The following ABCB1 variants were observed in gnomAD, a reference collection of about 807,000 sequenced individuals.
ABCB1 encodes the protein ATP-dependent translocase ABCB1.
A neutral mutation model predicts 142.0 loss-of-function variants in ABCB1; 69 were observed. The observed-to-expected ratio is 0.49, with a 90% confidence interval of 0.40 to 0.59. The LOEUF (loss-of-function observed/expected upper bound fraction) is 0.59. Among genes scored for constraint, ABCB1 ranks in the 20% least tolerant of loss-of-function variants. The pLI, the probability that ABCB1 is intolerant of heterozygous loss-of-function variation, is 0.00. For synonymous variants in ABCB1, 532 were observed against 539.2 expected (o/e 0.99, Z 0.18); for missense variants, 1,326 against 1,554.7 (o/e 0.85, Z 2.47).
At chr7:87,694,037 G>A in intron 1 of ABCB1, 1 of 1,573,442 alleles carries the variant, frequency 6.4e-7, no homozygotes, top group Non-Finnish European at 8.6e-7. Context: ...GGCTGTATCA[G>A]TTAAGTGATC....
intron 1 of ABCB1, among the ~76,000 whole-genome samples, chr7:87,678,573 A>C (rs2130572077): frequency 6.6e-6 from 1 of 152,314 alleles, no homozygotes; most frequent in East Asian, 1.9e-4. Context: ...ACAAACAATA[A>C]AATGGTAGAC....
chr7:87,675,039 G>A (rs1019908071), intron 1 of ABCB1, among the ~76,000 whole-genome samples: 2 of 152,228 alleles, frequency 1.3e-5, no homozygotes, highest in Admixed American at 1.3e-4. Flanking sequence ...TTAAGTGTCT[G>A]TTGGGGAAAT....
chr7:87,553,696 C>G, intron 9 of ABCB1, 65 bp downstream of exon 9: 1 of 1,511,420 alleles, frequency 6.6e-7, no homozygotes, highest in Non-Finnish European at 9.2e-7. Context: ...TAAAGTCAAG[C>G]CAACATTACT....
At chr7:87,586,096 G>A (rs1818739831) in intron 3 of ABCB1, among the ~76,000 whole-genome samples, 1 of 152,170 alleles carries the variant, frequency 6.6e-6, no homozygotes, top group South Asian at 2.1e-4. Context: ...ACATTGTGTT[G>A]CTTTAAGAAA....
intron 27 of ABCB1, among the ~76,000 whole-genome samples, chr7:87,504,720 G>C (rs2117055042): frequency 6.6e-6 from 1 of 151,806 alleles, no homozygotes; most frequent in East Asian, 2.0e-4. Flanking sequence ...CAGGAGAATG[G>C]TGTGAACCCG....
intron 4 of ABCB1, among the ~76,000 whole-genome samples, chr7:87,581,396 G>A (rs1324199217): frequency 6.6e-6 from 1 of 152,016 alleles, no homozygotes; most frequent in Non-Finnish European, 1.5e-5. Context: ...TTTCCAGATA[G>A]TGGCCAGTCT....
In ABCB1 at chr7:87,633,336, T is replaced by C. The variant is rs1463397543; in HGVS notation, c.-330-32258A>G. On this transcript the variant is annotated intron_variant, in intron 1 of 28. Coordinates refer to the ABCB1 transcript ENST00000265724. ...TTTAAAAAATGATTACACGTTTCCC[T>C]ACCTTCTTGACAAAGACTATACATA... 2.6e-5 allele frequency among the ~76,000 whole-genome samples: 4 copies of C among 152,350 alleles called. No homozygotes were observed. The South Asian group carries it at 6.2e-4, about 24-fold the overall frequency.
Position 87,549,351 on chromosome 7 carries a change from A to T in ABCB1, c.1722T>A (p.Asp574Glu), listed in dbSNP as rs201155718. 3.7e-6 allele frequency: 6 copies of T among 1,614,164 alleles called. No homozygotes were observed. Among genetic ancestry groups the T allele is most frequent in the Non-Finnish European group, 5.1e-6 (6 of 1,180,016 alleles). The change falls in exon 14 of 28, where the codon GAT becomes GAA. Residue 574 changes from aspartate to glutamate, a missense_variant. Physicochemically the swap from Asp to Glu is conservative, Grantham distance 45. Transcript: ENST00000622132. ...ESEAVVQVAL[D>E]KARKGRTTIV... ...GTTTGAACTAAGCCTCACTGACCTT[A>T]TCCAGAGCCACCTGAACCACTGCTT...
At position 87,693,947 on chromosome 7, in the gene ABCB1, T is replaced by C. The variant is rs566055075; in HGVS notation, c.-331+19214A>G. 3 of 1,611,914 alleles carry C rather than the reference T, an allele frequency of 1.9e-6. No individual in the cohort carries two copies. In the African/African-American group the frequency reaches 4.0e-5, roughly 22 times the overall value. Reference sequence around the variant, plus strand: ...TGCAGATGGCTGGCTCATCTCCAAATACCTCTTCAAGGTACTCTATGCTGG... The same window carrying C: ...TGCAGATGGCTGGCTCATCTCCAAACACCTCTTCAAGGTACTCTATGCTGG... On this transcript the variant is annotated intron_variant, in intron 1 of 28. Coordinates refer to the ABCB1 transcript ENST00000265724.
intron 1 of ABCB1, chr7:87,629,138 A>G: frequency 6.7e-6 from 3 of 444,986 alleles, no homozygotes; most frequent in Middle Eastern, 6.0e-4. Context: ...GCAGCCCTGG[A>G]CTTTGTGTCA....
At chr7:87,644,392 T>C (rs1822771912) in intron 1 of ABCB1, among the ~76,000 whole-genome samples, 1 of 152,244 alleles carries the variant, frequency 6.6e-6, no homozygotes, top group Admixed American at 6.5e-5. Flanking sequence ...CACCCCTGTG[T>C]TAGAGACTAC....
chr7:87,633,359 A>C (rs925085713), intron 1 of ABCB1, among the ~76,000 whole-genome samples: 1 of 152,228 alleles, frequency 6.6e-6, no homozygotes. Flanking sequence ...AAGACTATAC[A>C]TAGAATAATG....
In ABCB1 at chr7:87,681,553, T is replaced by C. The variant is rs1437981313; in HGVS notation, c.-331+31608A>G. Reference sequence around the variant, plus strand: ...GTAATAGCATTATGTCTAAAAAATGTACATACCCTAATTAAACTACTTTAC... The same window carrying C: ...GTAATAGCATTATGTCTAAAAAATGCACATACCCTAATTAAACTACTTTAC... On this transcript the variant is annotated intron_variant, in intron 1 of 28. Coordinates refer to the ABCB1 transcript ENST00000265724. Among the ~76,000 whole-genome samples, 2 of 150,840 alleles carry C rather than the reference T, an allele frequency of 1.3e-5. 1 individual carries two copies. The highest frequency in any genetic ancestry group is 2.9e-5 in the Non-Finnish European group (2 of 67,884).
intron 1 of ABCB1, among the ~76,000 whole-genome samples, chr7:87,662,254 G>T (rs1485005850): frequency 6.6e-6 from 1 of 151,966 alleles, no homozygotes; most frequent in Admixed American, 6.6e-5. Flanking sequence ...TTTTTAACTT[G>T]ATGTGATCTC....
At chr7:87,553,199 TGA>T (rs1817155644) in intron 9 of ABCB1, among the ~76,000 whole-genome samples, 1 of 152,150 alleles carries the variant, frequency 6.6e-6, no homozygotes, top group Admixed American at 6.5e-5. Context: ...TTCATGCTAT[TGA>T]GATTGCTAAC....
Position 87,553,295 on chromosome 7 carries a change from G to A in ABCB1, c.999+466C>T, listed in dbSNP as rs376011698. Reference sequence around the variant, plus strand: ...CAAATAAAAGAAAAAACTGGTTGTCGGATGCATCTAATTTTTTTCCACTTT... The same window carrying A: ...CAAATAAAAGAAAAAACTGGTTGTCAGATGCATCTAATTTTTTTCCACTTT... On this transcript the variant is annotated intron_variant, in intron 9 of 27. Coordinates refer to ENST00000622132, the MANE Select transcript of ABCB1 (RefSeq NM_001348946.2). Among the ~76,000 whole-genome samples, 10 of 150,542 alleles carry A rather than the reference G, an allele frequency of 6.6e-5. No homozygotes were observed. In the South Asian group the frequency reaches 1.3e-3, roughly 19 times the overall value.
rs147463648 is a variant in ABCB1 at position 87,534,297 on chromosome 7, T to C, written c.2481+2161A>G. 2.2e-4 allele frequency among the ~76,000 whole-genome samples: 33 copies of C among 152,236 alleles called. No homozygotes were observed. In the East Asian group the frequency reaches 5.6e-3, roughly 26 times the overall value. ...AAGCACATGAGCCCATACCACAGGG[T>C]CTGTGTCATATTGTGCAATGTCACA... On this transcript the variant is annotated intron_variant, in intron 20 of 27. Transcript: ENST00000622132.
At chr7:87,640,652 C>G (rs994162865) in intron 1 of ABCB1, among the ~76,000 whole-genome samples, 4 of 152,274 alleles carry the variant, frequency 2.6e-5, no homozygotes, top group Admixed American at 2.6e-4. Context: ...TCTCCATTAT[C>G]TTTTTACACT....
chr7:87,541,299 C>G, intron 18 of ABCB1, 58 bp downstream of exon 18: 1 of 1,134,948 alleles, frequency 8.8e-7, no homozygotes, highest in Non-Finnish European at 1.3e-6. Flanking sequence ...TATAAATCCC[C>G]CCAGTTGAAT....
Sources: allele counts gnomAD v4.1 joint callset (sites outside exome capture counted in the v4.1 genomes callset), GRCh38; gene constraint gnomAD v4.1.1; transcripts MANE v1.5; gene names NCBI Gene and HGNC (gene_info 2026-07-23, HGNC 2026-07-21).